Variants in ABHD12 observed in about 807,000 individuals in gnomAD.
ABHD12 encodes lysophosphatidylserine lipase ABHD12.
Under a neutral mutation model 58.3 loss-of-function variants are expected in ABHD12, and 43 were observed. That is an observed-to-expected ratio of 0.74 (90% CI 0.58 to 0.95). The LOEUF (loss-of-function observed/expected upper bound fraction) is 0.95, where lower values mean the gene tolerates loss of function less well. Among genes scored for constraint, ABHD12 ranks in the 40% least tolerant of loss-of-function variants. The pLI, the probability that ABHD12 is intolerant of heterozygous loss-of-function variation, is 0.00. For synonymous variants in ABHD12, 219 were observed against 211.2 expected, an observed-to-expected ratio of 1.04 and a Z score of -0.32; for missense variants, 539 against 537.2, an observed-to-expected ratio of 1.00 and a Z score of -0.03.
At chr20:25,333,921 C>T (rs1471261276) in intron 2 of ABHD12, among the ~76,000 whole-genome samples, 1 of 152,178 alleles carries the variant, frequency 6.6e-6, no homozygotes, top group East Asian at 1.9e-4. Flanking sequence ...CCTCTCTCAC[C>T]ACTCATATTC....
At chr20:25,331,305 T>A (rs1320697767) in intron 2 of ABHD12, among the ~76,000 whole-genome samples, 3 of 151,836 alleles carry the variant, frequency 2.0e-5, no homozygotes, top group African/African-American at 7.3e-5. Flanking sequence ...TGGGACTATG[T>A]GAAAAGACCA....
intron 4 of ABHD12, among the ~76,000 whole-genome samples, chr20:25,318,495 G>A (rs941445287): frequency 2.0e-5 from 3 of 152,152 alleles, no homozygotes; most frequent in African/African-American, 4.8e-5. Flanking sequence ...GGACCCGGGT[G>A]GTGGATCCCG....
chr20:25,373,256 T>C (rs1165363861), intron 1 of ABHD12, among the ~76,000 whole-genome samples: 1 of 152,198 alleles, frequency 6.6e-6, no homozygotes, highest in East Asian at 1.9e-4. Flanking sequence ...GTCAAAGATG[T>C]TGCTTCAAGG....
chr20:25,333,715 T>C (rs2089316050), intron 2 of ABHD12, among the ~76,000 whole-genome samples: 1 of 151,954 alleles, frequency 6.6e-6, no homozygotes, highest in Non-Finnish European at 1.5e-5. Flanking sequence ...ACCACATGAT[T>C]ATCTCAATAG....
chr20:25,334,181 T>A (rs1568737396), intron 2 of ABHD12, among the ~76,000 whole-genome samples: 2 of 150,874 alleles, frequency 1.3e-5, no homozygotes, highest in Non-Finnish European at 2.9e-5. Flanking sequence ...GAGAGCCAAA[T>A]CATGAGTGAA....
chr20:25,381,782 C>CCCTCACCTGGGATTACAGGTGCTCACAA (rs2090025367), intron 1 of ABHD12, among the ~76,000 whole-genome samples: 1 of 152,084 alleles, frequency 6.6e-6, no homozygotes, highest in Non-Finnish European at 1.5e-5. Flanking sequence ...AGGAGATAAT[C>CCCTCACCTGGGATTACAGGTGCTCACAA]CCTCACCTGG....
chr20:25,372,505 C>T (rs1260905935), intron 1 of ABHD12, among the ~76,000 whole-genome samples: 1 of 152,202 alleles, frequency 6.6e-6, no homozygotes, highest in East Asian at 1.9e-4. Flanking sequence ...ACACCTGGCC[C>T]TCTTTCAGCT....
rs974712646 is a variant in ABHD12 at position 25,335,971 on chromosome 20, A to T, written c.316+3256T>A. Reference sequence around the variant, plus strand: ...TTAAAGTATAATAATAATAAATAAAAAAAAAACAAAAAACAAATGCATGAT... The same window carrying T: ...TTAAAGTATAATAATAATAAATAAATAAAAAACAAAAAACAAATGCATGAT... On this transcript the variant is annotated intron_variant, in intron 2 of 12. Transcript: ENST00000339157. Among the ~76,000 whole-genome samples, 20 of 152,128 alleles carry T rather than the reference A, an allele frequency of 1.3e-4. No individual in the cohort carries two copies. In the East Asian group the frequency reaches 1.7e-3, roughly 13 times the overall value.
At chr20:25,314,827 T>A in intron 6 of ABHD12, 98 bp downstream of exon 6, 1 of 1,327,582 alleles carries the variant, frequency 7.5e-7, no homozygotes, top group East Asian at 2.3e-5. Context: ...AAGCAGGCGC[T>A]GGCCTTGCTC....
intron 6 of ABHD12, among the ~76,000 whole-genome samples, chr20:25,309,977 C>A (rs1377203981): frequency 6.6e-5 from 10 of 152,208 alleles, no homozygotes; most frequent in Admixed American, 6.5e-4. Context: ...CTTGCCCCAC[C>A]CTCTTGGGCA....
rs984388516 is a variant in ABHD12 at position 25,382,943 on chromosome 20, G to C, written c.191+7570C>G. ...GAGGAAAACCAGTACCAGTTGAGGG[G>C]GGGGGCCAGCTATGGCGCCATAAAC... On this transcript the variant is annotated intron_variant, in intron 1 of 12. Transcript: ENST00000339157. Among the ~76,000 whole-genome samples, 24 of 152,284 alleles carry C rather than the reference G, an allele frequency of 1.6e-4. No homozygotes were observed. In the South Asian group the frequency reaches 3.3e-3, roughly 21 times the overall value.
chr20:25,388,313 T>G (rs1283616388), intron 1 of ABHD12, among the ~76,000 whole-genome samples: 1 of 152,246 alleles, frequency 6.6e-6, no homozygotes, highest in African/African-American at 2.4e-5. Context: ...ATTCAACAAG[T>G]ATTTTCTGCT....
intron 1 of ABHD12, among the ~76,000 whole-genome samples, chr20:25,360,399 C>T (rs1445412856): frequency 6.6e-6 from 1 of 151,560 alleles, no homozygotes; most frequent in Non-Finnish European, 1.5e-5. Flanking sequence ...CACCACCACG[C>T]CCGACTAATT....
At chr20:25,322,651 C>T (rs1049352567) in intron 3 of ABHD12, among the ~76,000 whole-genome samples, 1 of 151,728 alleles carries the variant, frequency 6.6e-6, no homozygotes, top group Non-Finnish European at 1.5e-5. Context: ...TCCCAAAGTG[C>T]TGGGATTACA....
Position 25,314,952 on chromosome 20 carries a change from A to T in ABHD12, c.592T>A (p.Tyr198Asn). 1 of 1,614,230 alleles carries T rather than the reference A, an allele frequency of 6.2e-7. No homozygotes were observed. The highest frequency in any genetic ancestry group is 8.5e-7 in the Non-Finnish European group (1 of 1,180,042). The change falls in exon 6 of 13, where the codon TAC becomes AAC. Residue 198 changes from tyrosine to asparagine, a missense_variant. By Grantham distance (143) the Tyr-to-Asn change is moderately radical. Transcript: ENST00000339157. ...ELYKVLSSLG[Y>N]HVVTFDYRGW... is the part of the protein sequence containing the mutation. Reference sequence around the variant, plus strand: ...CTGTAGTCAAAGGTGACCACATGGTAACCAAGGGAACTCAGCACCTGTAAA... The same window carrying T: ...CTGTAGTCAAAGGTGACCACATGGTTACCAAGGGAACTCAGCACCTGTAAA...
chr20:25,390,477 G>GGGGCCCC, intron 1 of ABHD12, 36 bp downstream of exon 1: 30 of 102,758 alleles, frequency 2.9e-4, no homozygotes, highest in East Asian at 1.4e-3. Context: ...TGAGGGACCG[G>GGGGCCCC]CCCCCCCCCC....
chr20:25,365,384 T>A (rs1788352700), intron 1 of ABHD12, among the ~76,000 whole-genome samples: 1 of 152,164 alleles, frequency 6.6e-6, no homozygotes, highest in Non-Finnish European at 1.5e-5. Flanking sequence ...ACACCTTGAT[T>A]TTTTTTTCTA....
chr20:25,294,844 C>A, exon 13 of ABHD12: 1 of 998,506 alleles, frequency 1.0e-6, no homozygotes, highest in Non-Finnish European at 1.6e-6. Flanking sequence ...CAGGGCAGTT[C>A]TTCACCGTTG....
At chr20:25,314,549 C>T (rs1412812630) in intron 6 of ABHD12, among the ~76,000 whole-genome samples, 2 of 151,978 alleles carry the variant, frequency 1.3e-5, no homozygotes, top group Non-Finnish European at 2.9e-5. Context: ...TGTGGTGTCG[C>T]ATTCCTGCAG....
Sources: allele counts gnomAD v4.1 joint callset (sites outside exome capture counted in the v4.1 genomes callset), GRCh38; gene constraint gnomAD v4.1.1; transcripts MANE v1.5; gene names NCBI Gene and HGNC (gene_info 2026-07-23, HGNC 2026-07-21).